Variants in ROBO1 observed in about 807,000 individuals in gnomAD.
The protein encoded by ROBO1 is roundabout homolog 1.
ROBO1 carries 149 observed loss-of-function variants against 195.9 expected under a neutral mutation model. That is an observed-to-expected ratio of 0.76 (90% confidence interval 0.67 to 0.87). The LOEUF is 0.87. Ranked by LOEUF, ROBO1 falls within the 40% of genes least tolerant of loss-of-function variation. The pLI is 0.00. For missense variants in ROBO1, 1,933 were observed against 2,068.3 expected, an observed-to-expected ratio of 0.93 and a Z score of 1.27; for synonymous variants, 816 against 733.2, an observed-to-expected ratio of 1.11 and a Z score of -1.82.
At position 79,492,867 on chromosome 3, in the gene ROBO1, C is replaced by T. The variant is rs1462821091; in HGVS notation, c.88+96957G>A. ...AATTGCTTGCTAAAAAGACACACAA[C>T]TAAGACCTTAACACTATTATTCTTA... On this transcript the variant is annotated intron_variant, in intron 2 of 30. Transcript: ENST00000464233. 3.3e-5 allele frequency among the ~76,000 whole-genome samples: 5 copies of T among 152,052 alleles called. No homozygotes were observed. The South Asian group carries it at 1.0e-3, about 31-fold the overall frequency.
chr3:78,992,908 GA>G (rs1177864685), intron 3 of ROBO1, among the ~76,000 whole-genome samples: 1 of 152,146 alleles, frequency 6.6e-6, no homozygotes, highest in African/African-American at 2.4e-5. Flanking sequence ...ACCAGAAGCT[GA>G]AGCAGCAGTA....
intron 4 of ROBO1, among the ~76,000 whole-genome samples, chr3:78,881,221 C>A (rs573813266): frequency 6.6e-5 from 10 of 152,106 alleles, no homozygotes; most frequent in Admixed American, 2.0e-4. Context: ...CTGAGCTGTA[C>A]GAAGGAGAAG....
intron 4 of ROBO1, among the ~76,000 whole-genome samples, chr3:78,822,363 G>C (rs1173258297): frequency 6.6e-6 from 1 of 152,152 alleles, no homozygotes; most frequent in African/African-American, 2.4e-5. Context: ...GCCTGGTCCT[G>C]TTGCTTGTGC....
rs187645778 is a variant in ROBO1, at chr3:79,241,254, T to G, written c.89-115715A>C. ...AGCTGCATAAAAGGAGTGTTAAGAA[T>G]GTTTTAATTACTAGAAACAGACTAG... On this transcript the variant is annotated intron_variant, in intron 2 of 30. Coordinates refer to ENST00000464233, the MANE Select transcript of ROBO1 (RefSeq NM_002941.4). 1.8e-3 allele frequency among the ~76,000 whole-genome samples: 273 copies of G among 152,288 alleles called. 1 individual carries two copies. Among genetic ancestry groups the G allele is most frequent in the African/African-American group, 6.3e-3 (260 of 41,568 alleles).
At chr3:79,757,480 T>C (rs1408307752) in intron 1 of ROBO1, among the ~76,000 whole-genome samples, 2 of 147,830 alleles carry the variant, frequency 1.4e-5, no homozygotes, top group Admixed American at 6.7e-5. Context: ...GCTCTCTCTT[T>C]CTTTCTTTCT....
intron 2 of ROBO1, among the ~76,000 whole-genome samples, chr3:79,392,075 A>G (rs1298180813): frequency 3.3e-5 from 5 of 152,202 alleles, no homozygotes; most frequent in Non-Finnish European, 1.5e-5. Flanking sequence ...TTCCTCTTGA[A>G]AGGGGGAAAA....
chr3:78,949,925 G>A (rs1406168289), intron 3 of ROBO1, among the ~76,000 whole-genome samples: 1 of 152,126 alleles, frequency 6.6e-6, no homozygotes, highest in African/African-American at 2.4e-5. Context: ...CATCATCACT[G>A]GCCATCAGAG....
chr3:79,679,868 G>T (rs1946891970), intron 1 of ROBO1, among the ~76,000 whole-genome samples: 1 of 152,004 alleles, frequency 6.6e-6, no homozygotes, highest in Non-Finnish European at 1.5e-5. Flanking sequence ...GAAGGTAACA[G>T]ATATGCAGGA....
At chr3:78,991,262 G>A (rs1030849994) in intron 3 of ROBO1, among the ~76,000 whole-genome samples, 4 of 152,076 alleles carry the variant, frequency 2.6e-5, no homozygotes, top group African/African-American at 9.7e-5. Context: ...AGAGATATTA[G>A]TACAATTTGA....
intron 1 of ROBO1, among the ~76,000 whole-genome samples, chr3:79,628,775 C>G (rs917516127): frequency 6.6e-6 from 1 of 151,828 alleles, no homozygotes; most frequent in Non-Finnish European, 1.5e-5. Context: ...GTAAAGGCAC[C>G]CACAGACTAA....
At chr3:78,900,609 ACATTC>A (rs2037524885) in intron 4 of ROBO1, among the ~76,000 whole-genome samples, 1 of 152,152 alleles carries the variant, frequency 6.6e-6, no homozygotes, top group African/African-American at 2.4e-5. Context: ...ATGATGAAAA[ACATTC>A]CATTCCTTTA....
At chr3:79,667,424 A>C (rs1946506079) in intron 1 of ROBO1, among the ~76,000 whole-genome samples, 1 of 151,874 alleles carries the variant, frequency 6.6e-6, no homozygotes, top group South Asian at 2.1e-4. Context: ...ATAACTAAAT[A>C]ACATTCTTCG....
At chr3:78,988,888 A>T (rs1341836032) in intron 3 of ROBO1, among the ~76,000 whole-genome samples, 1 of 152,204 alleles carries the variant, frequency 6.6e-6, no homozygotes, top group African/African-American at 2.4e-5. Flanking sequence ...GTTATGAGGA[A>T]TGTGATATAC....
chr3:79,129,979 T>C (rs2080297382), intron 2 of ROBO1, among the ~76,000 whole-genome samples: 1 of 115,688 alleles, frequency 8.6e-6, no homozygotes, highest in Non-Finnish European at 1.8e-5. Context: ...TTGTCAAAGA[T>C]CAGATAGTTG....
At chr3:79,192,766 T>C (rs1576796150) in intron 2 of ROBO1, among the ~76,000 whole-genome samples, 1 of 151,754 alleles carries the variant, frequency 6.6e-6, no homozygotes, top group East Asian at 1.9e-4. Flanking sequence ...GAAAAAATAA[T>C]CTTTTACTTA....
At chr3:79,271,363 C>A (rs1238886588) in intron 2 of ROBO1, among the ~76,000 whole-genome samples, 1 of 151,972 alleles carries the variant, frequency 6.6e-6, no homozygotes, top group African/African-American at 2.4e-5. Flanking sequence ...GCCTTCTTAT[C>A]TTGTTACTTA....
rs1356117249 is a variant in ROBO1 at position 79,443,461 on chromosome 3, T to C, written c.88+146363A>G. The stretch of plus-strand genomic sequence containing the variant: ...ATTTAGAATTACATAAAAACCATTA[T>C]AGCTTTTGGATCTCAACAGTGGCAG... On this transcript the variant is annotated intron_variant, in intron 2 of 30. Coordinates refer to ENST00000464233, the MANE Select transcript of ROBO1 (RefSeq NM_002941.4). Among the ~76,000 whole-genome samples, 9 of 152,314 alleles carry C rather than the reference T, an allele frequency of 5.9e-5. No individual in the cohort carries two copies. In the East Asian group the frequency reaches 1.7e-3, roughly 29 times the overall value.
At chr3:78,865,180 C>T (rs2035092571) in intron 4 of ROBO1, among the ~76,000 whole-genome samples, 1 of 152,032 alleles carries the variant, frequency 6.6e-6, no homozygotes, top group Admixed American at 6.6e-5. Flanking sequence ...ACCACAGATC[C>T]CTTTGAGCAG....
rs190643470 is a variant in ROBO1, at chr3:78,955,019, T to C, written c.173-16092A>G. ...GTTGGTTATATAGGTAAACTGTGTG[T>C]CATGGGGTTATACAGGTAAACTGTG... On this transcript the variant is annotated intron_variant, in intron 3 of 30. Coordinates refer to ENST00000464233, the MANE Select transcript of ROBO1 (RefSeq NM_002941.4). Among the ~76,000 whole-genome samples, 14 of 151,700 alleles carry C rather than the reference T, an allele frequency of 9.2e-5. No individual in the cohort carries two copies. The East Asian group carries it at 2.7e-3, about 30-fold the overall frequency.
Sources: gnomAD v4.1 joint callset for allele counts (sites outside exome capture counted in the v4.1 genomes callset) on GRCh38, gnomAD v4.1.1 for gene constraint, MANE v1.5 for transcripts, NCBI Gene and HGNC (gene_info 2026-07-23, HGNC 2026-07-21) for gene names.